KCNMB2: variants seen among roughly 807,000 people sequenced by gnomAD.
The protein encoded by KCNMB2 is calcium-activated potassium channel subunit beta-2.
Under a neutral mutation model 24.5 loss-of-function variants are expected in KCNMB2, and 9 were observed. That is an observed-to-expected ratio of 0.37 (90% CI 0.22 to 0.64). KCNMB2 has a LOEUF of 0.64. Among genes scored for constraint, KCNMB2 ranks in the 30% least tolerant of loss-of-function variants. KCNMB2 has a pLI of 0.63. For synonymous variants in KCNMB2, 109 were observed against 104.4 expected (o/e 1.04, Z -0.27); for missense variants, 226 against 284.3 (o/e 0.79, Z 1.47).
intron 1 of KCNMB2, among the ~76,000 whole-genome samples, chr3:178,602,578 G>A (rs1215998012): frequency 6.6e-6 from 1 of 151,952 alleles, no homozygotes. Context: ...GGGGGTGGGG[G>A]GGAGGAGTGA....
intron 3 of KCNMB2, among the ~76,000 whole-genome samples, chr3:178,826,935 A>C (rs1485422616): frequency 1.3e-5 from 2 of 152,166 alleles, no homozygotes; most frequent in Non-Finnish European, 2.9e-5. Flanking sequence ...TCTGGTTAGA[A>C]CCATCAGAGA....
intron 1 of KCNMB2, among the ~76,000 whole-genome samples, chr3:178,579,494 G>A (rs1283648360): frequency 6.6e-6 from 1 of 152,058 alleles, no homozygotes; most frequent in Non-Finnish European, 1.5e-5. Flanking sequence ...TCAAAAGCTA[G>A]CAGAAGACAA....
At chr3:178,702,081 A>C (rs536531057) in intron 1 of KCNMB2, among the ~76,000 whole-genome samples, 1 of 152,106 alleles carries the variant, frequency 6.6e-6, no homozygotes, top group East Asian at 1.9e-4. Flanking sequence ...GCACATATAC[A>C]CCATGGAATA....
At chr3:178,669,602 A>G (rs1720832768) in intron 1 of KCNMB2, among the ~76,000 whole-genome samples, 1 of 152,104 alleles carries the variant, frequency 6.6e-6, no homozygotes, top group African/African-American at 2.4e-5. Flanking sequence ...AATTCTAAAG[A>G]TAATTCAAAG....
chr3:178,541,991 AT>A (rs1011664475), intron 1 of KCNMB2, among the ~76,000 whole-genome samples: 2 of 152,078 alleles, frequency 1.3e-5, no homozygotes, highest in African/African-American at 4.8e-5. Flanking sequence ...AAATTAGCCA[AT>A]TGGAATTAGT....
At chr3:178,565,761 T>C (rs557365279) in intron 1 of KCNMB2, among the ~76,000 whole-genome samples, 1 of 152,190 alleles carries the variant, frequency 6.6e-6, no homozygotes, top group Non-Finnish European at 1.5e-5. Flanking sequence ...TTTTCTCATA[T>C]AGTATCCTGC....
intron 1 of KCNMB2, among the ~76,000 whole-genome samples, chr3:178,714,554 T>G (rs1722556980): frequency 6.6e-6 from 1 of 152,116 alleles, no homozygotes; most frequent in South Asian, 2.1e-4. Context: ...GGATGTAGAC[T>G]CGGGAGAAAG....
intron 1 of KCNMB2, among the ~76,000 whole-genome samples, chr3:178,700,521 T>A (rs1272373013): frequency 6.6e-6 from 1 of 152,234 alleles, no homozygotes; most frequent in Non-Finnish European, 1.5e-5. Context: ...GCTAGCCCAA[T>A]GCCCTTCTTT....
chr3:178,692,032 T>G (rs1227241547), intron 1 of KCNMB2, among the ~76,000 whole-genome samples: 1 of 152,234 alleles, frequency 6.6e-6, no homozygotes, highest in South Asian at 2.1e-4. Flanking sequence ...CATATTCTCA[T>G]TGGCCACATG....
intron 1 of KCNMB2, among the ~76,000 whole-genome samples, chr3:178,700,283 A>C (rs1157769093): frequency 1.3e-5 from 2 of 152,364 alleles, no homozygotes; most frequent in East Asian, 1.9e-4. Flanking sequence ...TTCAGTACTT[A>C]TCTCCTATCA....
chr3:178,689,357 C>T (rs983529868), intron 1 of KCNMB2, among the ~76,000 whole-genome samples: 20 of 152,136 alleles, frequency 1.3e-4, no homozygotes, highest in East Asian at 3.9e-4. Flanking sequence ...AGTTATAAGC[C>T]GGGCACAGTG....
intron 1 of KCNMB2, among the ~76,000 whole-genome samples, chr3:178,661,961 C>T (rs565088949): frequency 2.3e-4 from 35 of 152,070 alleles, no homozygotes; most frequent in East Asian, 9.7e-4. Flanking sequence ...GAAACAAAAG[C>T]TCAGAGAAAT....
chr3:178,711,541 C>G (rs1174024415), intron 1 of KCNMB2, among the ~76,000 whole-genome samples: 1 of 151,998 alleles, frequency 6.6e-6, no homozygotes, highest in East Asian at 1.9e-4. Flanking sequence ...ACACTAAGAA[C>G]GCAGGATAAG....
intron 1 of KCNMB2, among the ~76,000 whole-genome samples, chr3:178,558,209 A>G (rs961735767): frequency 2.0e-5 from 3 of 152,218 alleles, no homozygotes; most frequent in African/African-American, 7.2e-5. Flanking sequence ...CATACAATAC[A>G]CAGATAACTG....
At chr3:178,568,542 C>T (rs940142075) in intron 1 of KCNMB2, among the ~76,000 whole-genome samples, 6 of 152,152 alleles carry the variant, frequency 3.9e-5, no homozygotes, top group African/African-American at 1.4e-4. Flanking sequence ...CTTCTGATGA[C>T]ATTCATGCTA....
intron 1 of KCNMB2, among the ~76,000 whole-genome samples, chr3:178,571,143 A>G (rs774494785): frequency 8.5e-5 from 13 of 152,118 alleles, no homozygotes; most frequent in Non-Finnish European, 1.8e-4. Context: ...CTAATTTATT[A>G]CAATTTTATT....
intron 1 of KCNMB2, among the ~76,000 whole-genome samples, chr3:178,699,415 GA>G (rs1462250809): frequency 2.0e-5 from 3 of 152,340 alleles, no homozygotes; most frequent in Admixed American, 1.3e-4. Context: ...CCAGCAAAGT[GA>G]TATGAGGAAT....
intron 2 of KCNMB2, among the ~76,000 whole-genome samples, chr3:178,808,493 A>C (rs1365028659): frequency 6.6e-6 from 1 of 152,224 alleles, no homozygotes; most frequent in African/African-American, 2.4e-5. Flanking sequence ...AAGAACCTGA[A>C]GGAGGTTTGC....
At chr3:178,830,119 C>T (rs7640096) in intron 4 of KCNMB2, among the ~76,000 whole-genome samples, 97,927 of 151,758 alleles carry the variant, frequency 0.65, 33,466 homozygotes, top group African/African-American at 0.87. Context: ...TTCTTACTTT[C>T]CTTTGTACTT....
Sources: gnomAD v4.1 joint callset for allele counts (sites outside exome capture counted in the v4.1 genomes callset) on GRCh38, gnomAD v4.1.1 for gene constraint, MANE v1.5 for transcripts, NCBI Gene and HGNC (gene_info 2026-07-23, HGNC 2026-07-21) for gene names.